RUFY4: variants seen among roughly 807,000 people sequenced by gnomAD.
RUFY4 encodes the protein RUN and FYVE domain containing 4.
A neutral mutation model predicts 69.0 loss-of-function variants in RUFY4; 73 were observed. That is an observed-to-expected ratio of 1.06 (90% confidence interval 0.88 to 1.29). The LOEUF (loss-of-function observed/expected upper bound fraction) is 1.29, where lower values mean the gene tolerates loss of function less well. RUFY4 is among the 50% of genes most tolerant of loss of function. The pLI, the probability that RUFY4 is intolerant of heterozygous loss-of-function variation, is 0.00. For synonymous variants in RUFY4, 287 were observed against 271.8 expected, an observed-to-expected ratio of 1.06 and a Z score of -0.55; for missense variants, 770 against 705.6, an observed-to-expected ratio of 1.09 and a Z score of -1.03.
At chr2:218,035,694 C>T (rs879821350) in intron 2 of RUFY4, among the ~76,000 whole-genome samples, 8 of 152,166 alleles carry the variant, frequency 5.3e-5, no homozygotes, top group Non-Finnish European at 5.9e-5. Flanking sequence ...ACAGTGTCCC[C>T]GTCTGGGCCC....
upstream of RUFY4, among the ~76,000 whole-genome samples, chr2:218,065,193 G>A (rs571711242): frequency 8.9e-3 from 1,350 of 152,236 alleles, 25 homozygotes; most frequent in African/African-American, 0.031. Context: ...TCCAAAATTA[G>A]TCGTGGCCCC....
chr2:218,071,745 C>G (rs912848751), intron 2 of RUFY4, among the ~76,000 whole-genome samples: 3 of 152,212 alleles, frequency 2.0e-5, no homozygotes, highest in African/African-American at 7.2e-5. Flanking sequence ...GTTGTCTTAA[C>G]TCCTTTATCA....
exon 11 of RUFY4, chr2:218,090,216 G>A: frequency 4.9e-6 from 2 of 411,898 alleles, no homozygotes; most frequent in South Asian, 1.9e-5. Context: ...AGTAGGGTGT[G>A]GGGAGTGGTT....
chr2:218,089,796 A>C (rs1417965442), intron 10 of RUFY4, 156 bp from the exon 13 acceptor site: 2 of 718,052 alleles, frequency 2.8e-6, no homozygotes, highest in Non-Finnish European at 5.1e-6. Flanking sequence ...AGGAGAGGGG[A>C]GACCTCCTGA....
chr2:218,038,705 C>T (rs985416123), intron 2 of RUFY4, among the ~76,000 whole-genome samples: 1 of 152,140 alleles, frequency 6.6e-6, no homozygotes, highest in Non-Finnish European at 1.5e-5. Flanking sequence ...TATTATTTTA[C>T]ACATAACATT....
chr2:218,043,108 G>A (rs973236616), intron 2 of RUFY4, among the ~76,000 whole-genome samples: 2 of 151,288 alleles, frequency 1.3e-5, no homozygotes, highest in African/African-American at 4.9e-5. Flanking sequence ...GCTCGGAGGA[G>A]ACCTGCAGTA....
At chr2:218,059,386 C>T (rs1574500202) in intron 3 of RUFY4, 1 of 165,652 alleles carries the variant, frequency 6.0e-6, no homozygotes, top group African/African-American at 2.4e-5. Context: ...TTCAACATCC[C>T]AAACATAAAC....
intron 8 of RUFY4, among the ~76,000 whole-genome samples, chr2:218,079,277 T>C (rs1303581640): frequency 1.3e-5 from 2 of 152,206 alleles, no homozygotes; most frequent in African/African-American, 4.8e-5. Flanking sequence ...GTGCTCAGAC[T>C]GGGCTGGCAG....
exon 2 of RUFY4, chr2:218,035,345 C>T (rs1391398046): frequency 6.6e-6 from 1 of 152,238 alleles, no homozygotes; most frequent in Non-Finnish European, 1.5e-5. Context: ...CTGCCGAGAC[C>T]ATCAGTCCAA....
chr2:218,038,986 G>T (rs1013441351), intron 2 of RUFY4, among the ~76,000 whole-genome samples: 1 of 152,072 alleles, frequency 6.6e-6, no homozygotes, highest in Non-Finnish European at 1.5e-5. Context: ...AAGAAGTCTG[G>T]GAGAGTGGGC....
Position 218,061,856 on chromosome 2 carries a change from C to T in RUFY4, c.-1071+3175C>T, listed in dbSNP as rs79325175. ...TCTTAATCAGGGGACTAAGCAGCCA[C>T]TCCAATGGGGTTGTACCCTCAAAAC... On this transcript the variant is annotated intron_variant and NMD_transcript_variant, in intron 3 of 13. Transcript: ENST00000457754. Among the ~76,000 whole-genome samples, 944 of 152,318 alleles carry T rather than the reference C, an allele frequency of 6.2e-3. 8 individuals are homozygous for T. The highest frequency in any genetic ancestry group is 0.022 in the African/African-American group (903 of 41,582).
chr2:218,039,360 AG>A (rs1959027126), intron 2 of RUFY4, among the ~76,000 whole-genome samples: 1 of 152,198 alleles, frequency 6.6e-6, no homozygotes, highest in South Asian at 2.1e-4. Context: ...TGTGACCAAA[AG>A]CAATAGACAA....
At chr2:218,072,296 C>G in intron 2 of RUFY4, 78 bp from the exon 5 acceptor site, 1 of 1,492,654 alleles carries the variant, frequency 6.7e-7, no homozygotes, top group South Asian at 1.3e-5. Flanking sequence ...CAGTACATGT[C>G]CCCTCAGCAA....
intron 9 of RUFY4, among the ~76,000 whole-genome samples, chr2:218,086,797 C>A (rs1027368991): frequency 6.6e-6 from 1 of 152,138 alleles, no homozygotes; most frequent in Admixed American, 6.5e-5. Flanking sequence ...AAGTGGGCAG[C>A]AATCCCAGGG....
At position 218,060,592 on chromosome 2, in the gene RUFY4, A is replaced by G. The variant is rs756587643; in HGVS notation, c.-1071+1911A>G. 2.2e-6 allele frequency: 3 copies of G among 1,341,926 alleles called. No individual in the cohort carries two copies. The Admixed American group carries it at 5.0e-5, about 23-fold the overall frequency. 83.1% of individuals were successfully genotyped at this position (1,341,926 alleles called of 1,614,324 possible). A position where few individuals can be genotyped will look rare whatever the true frequency, so the allele number is the denominator to read the frequency against. Reference sequence around the variant, plus strand: ...GGTCTCATTGGTCATCTGGGTTCCCATGAGGGTGTCTGCCAGCAGGACCAG... The same window carrying G: ...GGTCTCATTGGTCATCTGGGTTCCCGTGAGGGTGTCTGCCAGCAGGACCAG... On this transcript the variant is annotated intron_variant and NMD_transcript_variant, in intron 3 of 13. Transcript: ENST00000457754.
chr2:218,075,310 T>C, exon 7 of RUFY4: 1 of 1,607,534 alleles, frequency 6.2e-7, no homozygotes, highest in Non-Finnish European at 8.5e-7. Flanking sequence ...GGGAAGGAGC[T>C]TCAGCTAGAC....
chr2:218,066,102 T>TCCCCCACCAAA (rs542207693), upstream of RUFY4, among the ~76,000 whole-genome samples: 239 of 151,274 alleles, frequency 1.6e-3, 7 homozygotes, highest in South Asian at 0.046. Flanking sequence ...TCCAAAGTGC[T>TCCCCCACCAAA]GCTAGGTGGG....
intron 2 of RUFY4, among the ~76,000 whole-genome samples, chr2:218,055,622 T>C (rs1334043130): frequency 2.6e-5 from 4 of 152,260 alleles, no homozygotes; most frequent in Admixed American, 2.0e-4. Flanking sequence ...TAAATTCTTC[T>C]GGTTTCCTCT....
At chr2:218,061,209 A>G (rs1689182341) in intron 3 of RUFY4, 2 of 385,858 alleles carry the variant, frequency 5.2e-6, no homozygotes, top group Non-Finnish European at 1.1e-5. Flanking sequence ...GATGACCAGC[A>G]TCGGCAGGGA....
Sources: allele counts gnomAD v4.1 joint callset (sites outside exome capture counted in the v4.1 genomes callset), GRCh38; gene constraint gnomAD v4.1.1; transcripts MANE v1.5; gene names NCBI Gene and HGNC (gene_info 2026-07-23, HGNC 2026-07-21).